Variants in ATAD2B observed in about 807,000 individuals in gnomAD.
ATAD2B encodes ATPase family AAA domain containing 2B, also known as ATPase family AAA domain-containing protein 2B.
A neutral mutation model predicts 167.6 loss-of-function variants in ATAD2B; 40 were observed. The observed-to-expected ratio is 0.24, with a 90% CI of 0.19 to 0.31. The LOEUF is 0.31. ATAD2B is among the 10% of genes least tolerant of loss of function. The pLI, the probability that ATAD2B is intolerant of heterozygous loss-of-function variation, is 1.00. For synonymous variants in ATAD2B, 579 were observed against 596.5 expected (o/e 0.97, Z 0.43); for missense variants, 1,242 against 1,757.2 (o/e 0.71, Z 5.24).
At chr2:23,875,721 A>G in intron 8 of ATAD2B, 108 bp downstream of exon 8, 1 of 750,642 alleles carries the variant, frequency 1.3e-6, no homozygotes, top group East Asian at 2.7e-5. Context: ...CTGGAAGATA[A>G]TAGTAGCTAA....
At chr2:23,771,584 T>C (rs1678334608) in intron 22 of ATAD2B, among the ~76,000 whole-genome samples, 1 of 152,204 alleles carries the variant, frequency 6.6e-6, no homozygotes, top group Non-Finnish European at 1.5e-5. Flanking sequence ...ATGTGATGTA[T>C]GTGATTATTG....
intron 1 of ATAD2B, among the ~76,000 whole-genome samples, chr2:23,917,797 G>A (rs908055894): frequency 6.6e-6 from 1 of 151,814 alleles, no homozygotes; most frequent in African/African-American, 2.4e-5. Flanking sequence ...GGTGGCTCAC[G>A]CCTATAATCC....
rs151013515 is a variant in ATAD2B at position 23,754,728 on chromosome 2, T to C, written c.4125A>G (p.Ala1375=). 1,026 of 1,612,980 alleles carry C rather than the reference T, an allele frequency of 6.4e-4. 6 individuals are homozygous for C. In the African/African-American group the frequency reaches 0.012, roughly 19 times the overall value. ...KKYRKLILEQ[A]KTTSLELVPE... ...GAACCAGTTCCAGGCTTGTCGTTTT[T>C]GCCTGCTCTAAAATTAATTTACGGT... The change falls in exon 26 of 28, where the codon GCA becomes GCG. Residue 1375 remains alanine, a synonymous_variant. Transcript: ENST00000238789.
rs1224087278 is a variant in ATAD2B, at chr2:23,926,876, G to A, written c.-106C>T. ...AGCGGAGCCGAGCCGGGCAATGAGA[G>A]ACGAGCCGGCCCGGAGCGTGCGGAG... On this transcript the variant is annotated 5_prime_UTR_variant, in exon 1 of 28. Transcript: ENST00000238789. The A allele has an allele frequency of 1.5e-6, 2 of 1,346,358 alleles. No homozygotes were observed. Among genetic ancestry groups the A allele is most frequent in the Admixed American group, 3.0e-5 (1 of 33,056 alleles). The allele number at this position is 1,346,358 out of a possible 1,614,324, so 83.4% of individuals were successfully genotyped here. A position where few individuals can be genotyped will look rare whatever the true frequency, so the allele number is the denominator to read the frequency against.
chr2:23,880,162 A>G (rs1271523845), intron 7 of ATAD2B, among the ~76,000 whole-genome samples: 3 of 152,172 alleles, frequency 2.0e-5, no homozygotes, highest in East Asian at 1.9e-4. Context: ...AGCATGAGCC[A>G]TATTATTAAA....
At chr2:23,812,001 C>T (rs1194511871) in intron 17 of ATAD2B, among the ~76,000 whole-genome samples, 3 of 151,970 alleles carry the variant, frequency 2.0e-5, no homozygotes, top group South Asian at 2.1e-4. Flanking sequence ...CTTGTAATTT[C>T]GAGATTCTAC....
At chr2:23,678,290 C>T in the ATAD2B span, among the ~76,000 whole-genome samples, 1 of 152,222 alleles carries the variant, frequency 6.6e-6, no homozygotes, top group Admixed American at 6.5e-5. Flanking sequence ...AGCCATTTTA[C>T]ACTCACCACT....
intron 17 of ATAD2B, among the ~76,000 whole-genome samples, chr2:23,817,690 G>A (rs1252252859): frequency 6.6e-6 from 1 of 152,122 alleles, no homozygotes; most frequent in Admixed American, 6.5e-5. Context: ...AAATGGGTAG[G>A]TGAATAAAGA....
chr2:23,855,143 G>A (rs1200423547), intron 13 of ATAD2B, among the ~76,000 whole-genome samples: 4 of 150,214 alleles, frequency 2.7e-5, no homozygotes, highest in Non-Finnish European at 5.9e-5. Context: ...GCAGTGAGCT[G>A]AGATCGCACC....
the ATAD2B span, among the ~76,000 whole-genome samples, chr2:23,739,081 A>C: frequency 6.6e-6 from 1 of 152,288 alleles, no homozygotes; most frequent in African/African-American, 2.4e-5. Context: ...AGAGACTTAC[A>C]CTCCCACCCA....
intron 20 of ATAD2B, among the ~76,000 whole-genome samples, chr2:23,786,730 T>C (rs1680883747): frequency 1.3e-5 from 2 of 152,132 alleles, no homozygotes; most frequent in African/African-American, 4.8e-5. Context: ...CTTCACTTTA[T>C]AAAATAACTC....
At chr2:23,912,012 T>C (rs1702389969) in intron 1 of ATAD2B, among the ~76,000 whole-genome samples, 1 of 151,352 alleles carries the variant, frequency 6.6e-6, no homozygotes, top group Non-Finnish European at 1.5e-5. Flanking sequence ...ATGCACAAAT[T>C]TGACTTAGTG....
intron 13 of ATAD2B, among the ~76,000 whole-genome samples, chr2:23,840,282 T>C (rs1377723847): frequency 6.6e-6 from 1 of 152,164 alleles, no homozygotes; most frequent in Non-Finnish European, 1.5e-5. Flanking sequence ...CTCTTAACCT[T>C]TGATGTCTAA....
chr2:23,702,444 A>C, the ATAD2B span, among the ~76,000 whole-genome samples: 1 of 152,134 alleles, frequency 6.6e-6, no homozygotes, highest in Admixed American at 6.5e-5. Context: ...CACCATGATA[A>C]AGTCAAAAAA....
chr2:23,762,365 C>A lies in ATAD2B; in HGVS notation c.3257-19G>T. Reference sequence around the variant, plus strand: ...GATAAGCCTGCAAGCAGAAGATAAGCAATACCTCTTTAAATATTCCCAGCT... The same window carrying A: ...GATAAGCCTGCAAGCAGAAGATAAGAAATACCTCTTTAAATATTCCCAGCT... On this transcript the variant is annotated intron_variant, in intron 23 of 27. Coordinates refer to ENST00000238789, the MANE Select transcript of ATAD2B (RefSeq NM_017552.4). The A allele has an allele frequency of 6.2e-7, 1 of 1,601,500 alleles. No individual in the cohort carries two copies. Among genetic ancestry groups the A allele is most frequent in the South Asian group, 1.1e-5 (1 of 88,962 alleles).
chr2:23,876,851 T>C (rs1198543892), intron 7 of ATAD2B, among the ~76,000 whole-genome samples: 3 of 151,854 alleles, frequency 2.0e-5, no homozygotes, highest in African/African-American at 7.3e-5. Context: ...GTGGATCACC[T>C]GAGGTCAGGA....
chr2:23,832,018 C>T (rs1480898531), intron 14 of ATAD2B, among the ~76,000 whole-genome samples: 1 of 152,156 alleles, frequency 6.6e-6, no homozygotes, highest in Non-Finnish European at 1.5e-5. Flanking sequence ...GCTTTTGCAC[C>T]CACTACTAAC....
At chr2:23,908,399 C>G (rs1400902621) in intron 1 of ATAD2B, among the ~76,000 whole-genome samples, 1 of 152,222 alleles carries the variant, frequency 6.6e-6, no homozygotes, top group African/African-American at 2.4e-5. Flanking sequence ...CTCACCATCA[C>G]TGGCCATCAG....
chr2:23,809,371 G>A (rs998532058), intron 18 of ATAD2B, among the ~76,000 whole-genome samples: 2 of 152,040 alleles, frequency 1.3e-5, no homozygotes, highest in African/African-American at 4.8e-5. Flanking sequence ...AGAACTGTGA[G>A]TAAAAGAGAA....
Sources: allele counts gnomAD v4.1 joint callset (sites outside exome capture counted in the v4.1 genomes callset), GRCh38; gene constraint gnomAD v4.1.1; transcripts MANE v1.5; gene names NCBI Gene and HGNC (gene_info 2026-07-23, HGNC 2026-07-21).